NOS1: variants seen among roughly 807,000 people sequenced by gnomAD.
NOS1 encodes the protein nitric oxide synthase 1.
NOS1 carries 51 observed loss-of-function variants against 164.5 expected under a neutral mutation model. That is an observed-to-expected ratio of 0.31 (90% CI 0.25 to 0.39). NOS1 has a LOEUF of 0.39. NOS1 is among the 10% of genes least tolerant of loss of function. The pLI is 1.00. For synonymous variants in NOS1, 719 were observed against 745.8 expected (o/e 0.96, Z 0.59); for missense variants, 1,362 against 1,885.6 (o/e 0.72, Z 5.14).
At chr12:117,239,918 T>G (rs1592941067) in intron 20 of NOS1, among the ~76,000 whole-genome samples, 1 of 152,152 alleles carries the variant, frequency 6.6e-6, no homozygotes, top group African/African-American at 2.4e-5. Context: ...ATTCTCTTGC[T>G]AGTCACTTTT....
chr12:117,226,912 G>T, intron 23 of NOS1, 142 bp from the exon 24 acceptor site: 1 of 681,282 alleles, frequency 1.5e-6, no homozygotes. Flanking sequence ...CCTCTGAAGG[G>T]CAAGAGGAAA....
intron 17 of NOS1, among the ~76,000 whole-genome samples, chr12:117,248,723 G>C (rs370950558): frequency 2.0e-5 from 3 of 151,974 alleles, no homozygotes; most frequent in African/African-American, 4.8e-5. Context: ...GTAATGGGAT[G>C]GCTGGGTCAA....
chr12:117,210,258 A>T lies in NOS1; in HGVS notation c.*5051T>A. 7.1e-6 allele frequency: 7 copies of T among 982,834 alleles called. No individual in the cohort carries two copies. The highest frequency in any genetic ancestry group is 8.5e-6 in the Non-Finnish European group (7 of 827,908). The allele number at this position is 982,834 out of a possible 1,614,324, so 60.9% of individuals were successfully genotyped here. ...AGTCTCCCAAAGTGCTATTACAGGC[A>T]TGAACCACCATGCCTGGCCTACTTT... is the stretch of plus-strand genomic sequence containing the variant. On this transcript the variant is annotated 3_prime_UTR_variant, in exon 29 of 29. Transcript: ENST00000317775.
intron 20 of NOS1, among the ~76,000 whole-genome samples, chr12:117,241,730 C>T (rs1326594155): frequency 2.6e-5 from 4 of 152,162 alleles, no homozygotes; most frequent in African/African-American, 7.2e-5. Flanking sequence ...AGAACAGCAG[C>T]GACCGCTTTT....
Position 117,242,620 on chromosome 12 carries a change from T to G in NOS1, c.3041+7A>C, listed in dbSNP as rs1870279320. Reference sequence around the variant, plus strand: ...GTAGGTAACCCAGTGAACCAAGATGTTCCTACCTGGATTTAGGGCTCTGGA... The same window carrying G: ...GTAGGTAACCCAGTGAACCAAGATGGTCCTACCTGGATTTAGGGCTCTGGA... On this transcript the variant is annotated splice_region_variant and intron_variant, in intron 20 of 28. Coordinates refer to ENST00000317775, the MANE Select transcript of NOS1 (RefSeq NM_000620.5). The G allele has an allele frequency of 6.2e-7, 1 of 1,613,228 alleles. No homozygotes were observed. Among genetic ancestry groups the G allele is most frequent in the South Asian group, 1.1e-5 (1 of 91,062 alleles).
intron 10 of NOS1, 31 bp from the exon 11 acceptor site, chr12:117,268,175 G>C (rs1254265665): frequency 7.0e-7 from 1 of 1,436,318 alleles, no homozygotes; most frequent in Non-Finnish European, 9.8e-7. Context: ...AGATATACAG[G>C]CTGGGGTATC....
At chr12:117,324,344 G>A (rs1012434779) in intron 2 of NOS1, among the ~76,000 whole-genome samples, 17 of 152,180 alleles carry the variant, frequency 1.1e-4, no homozygotes, top group Middle Eastern at 3.2e-3. Flanking sequence ...GGTCCAGATG[G>A]ACACTGGATC....
Position 117,330,554 on chromosome 12 carries a change from G to A in NOS1, c.516C>T (p.Leu172=). Residue 172 remains leucine, a synonymous_variant, in exon 2 of 29, where the codon CTC becomes CTT. Coordinates refer to ENST00000317775, the MANE Select transcript of NOS1 (RefSeq NM_000620.5). This position sits in a 1 kb window ranked among gnomAD's most constrained non-coding sequence, Gnocchi z 4.6. ...AYDDGQEAGS[L]PHANGLAPRP... Reference sequence around the variant, plus strand: ...TGGGGGCCAGGCCGTTGGCATGGGGGAGTGAGCCAGCCTCCTGCCCATCAT... The same window carrying A: ...TGGGGGCCAGGCCGTTGGCATGGGGAAGTGAGCCAGCCTCCTGCCCATCAT... 1 of 1,613,658 alleles carries A rather than the reference G, an allele frequency of 6.2e-7. No homozygotes were observed. The highest frequency in any genetic ancestry group is 8.5e-7 in the Non-Finnish European group (1 of 1,179,984).
intron 1 of NOS1, among the ~76,000 whole-genome samples, chr12:117,346,323 T>C (rs147564738): frequency 6.6e-6 from 1 of 151,924 alleles, no homozygotes; most frequent in Non-Finnish European, 1.5e-5. Context: ...ATACAAAAAT[T>C]AGCCAGGCGT....
At chr12:117,346,346 A>C (rs367854058) in intron 1 of NOS1, among the ~76,000 whole-genome samples, 3 of 151,994 alleles carry the variant, frequency 2.0e-5, no homozygotes, top group East Asian at 1.9e-4. Context: ...TGGCACGTGC[A>C]TGTAATCCCA....
In NOS1 at chr12:117,234,752, T is replaced by G. The variant is rs370076270; in HGVS notation, c.3048A>C (p.Ser1016=). 17 of 1,607,464 alleles carry G rather than the reference T, an allele frequency of 1.1e-5. No homozygotes were observed. The highest frequency in any genetic ancestry group is 1.4e-5 in the Non-Finnish European group (16 of 1,175,066). ...TGGTGTGGAGACGCACGAAGATAGT[T>G]GACCGACTGCAGGAAATTGCAGAGG... ...QNLQSPKSSR[S]TIFVRLHTNG... Residue 1016 remains serine, a synonymous_variant, in exon 21 of 29, where the codon TCA becomes TCC. Transcript: ENST00000317775. The surrounding 1 kb of genome is among the most constrained non-coding windows in gnomAD (Gnocchi z 4.3).
rs1956525835 is a variant in NOS1 at position 117,211,398 on chromosome 12, C to G, written c.*3911G>C. 2.0e-6 allele frequency: 2 copies of G among 985,398 alleles called. No individual in the cohort carries two copies. Among genetic ancestry groups the G allele is most frequent in the Admixed American group, 6.2e-5 (1 of 16,258 alleles). The allele number at this position is 985,398 out of a possible 1,614,324, so 61.0% of individuals were successfully genotyped here. The stretch of plus-strand genomic sequence containing the variant: ...AAGCCTTGGTTGCAGCAATAACCCC[C>G]CCAACAGCTCAACGGGCCATGCTCT... On this transcript the variant is annotated 3_prime_UTR_variant, in exon 29 of 29. Transcript: ENST00000317775.
At chr12:117,286,447 A>G (rs1020317067) in intron 5 of NOS1, among the ~76,000 whole-genome samples, 181 bp from the exon 6 acceptor site, 11 of 152,200 alleles carry the variant, frequency 7.2e-5, no homozygotes, top group African/African-American at 2.7e-4. Flanking sequence ...ATGGCCACAA[A>G]GGCTGAACAT....
At chr12:117,237,992 C>T (rs1227945564) in intron 20 of NOS1, among the ~76,000 whole-genome samples, 1 of 152,070 alleles carries the variant, frequency 6.6e-6, no homozygotes, top group South Asian at 2.1e-4. Flanking sequence ...CGTGCAAAGA[C>T]CTGCAGGCAC....
rs946731514 is a variant in NOS1, at chr12:117,218,052, G to T, written c.4283C>A (p.Thr1428Asn). The T allele has an allele frequency of 6.2e-7, 1 of 1,611,434 alleles. No homozygotes were observed. The highest frequency in any genetic ancestry group is 8.5e-7 in the Non-Finnish European group (1 of 1,177,588). The change falls in exon 28 of 29, where the codon ACC (threonine) becomes AAC (asparagine). Residue 1428 changes from threonine (T) to asparagine (N), a missense_variant. Transcript: ENST00000317775. ...AGGGATGGAGCCAGCTTACTCATCGGTGTCTTTTTTGCTCTCTTCAATGAA... is the reference window on the plus strand; with the variant it reads ...AGGGATGGAGCCAGCTTACTCATCGTTGTCTTTTTTGCTCTCTTCAATGAA... ...IAFIEESKKD[T>N]DEVFSS
rs1449142858 is a variant in NOS1 at position 117,214,078 on chromosome 12, C to T, written c.*1231G>A. ...AAGTTCTTCCCACCCCAAGTTGTGG[C>T]TCCTATCGAAGAAGCCACGTGGGAC... On this transcript the variant is annotated 3_prime_UTR_variant, in exon 29 of 29. Coordinates refer to ENST00000317775, the MANE Select transcript of NOS1 (RefSeq NM_000620.5). 1 of 985,312 alleles carries T rather than the reference C, an allele frequency of 1.0e-6. No individual in the cohort carries two copies. The highest frequency in any genetic ancestry group is 6.2e-5 in the Admixed American group (1 of 16,256). 61.0% of individuals were successfully genotyped at this position (985,312 alleles called of 1,614,324 possible). A position where few individuals can be genotyped will look rare whatever the true frequency, so the allele number is the denominator to read the frequency against.
Position 117,210,092 on chromosome 12 carries a change from C to A in NOS1, c.*5217G>T. On this transcript the variant is annotated 3_prime_UTR_variant, in exon 29 of 29. Coordinates refer to ENST00000317775, the MANE Select transcript of NOS1 (RefSeq NM_000620.5). ...GGACCAAGTGATCCTCCTGCCTCAG[C>A]CTCCCAAGTAGCTGGGACCACAGGA... 1.5e-6 allele frequency: 1 copy of A among 680,564 alleles called. No individual in the cohort carries two copies. 42.2% of individuals were successfully genotyped at this position (680,564 alleles called of 1,614,324 possible). A position where few individuals can be genotyped will look rare whatever the true frequency, so the allele number is the denominator to read the frequency against.
chr12:117,284,287 C>T (rs1483445428), intron 7 of NOS1, among the ~76,000 whole-genome samples: 5 of 152,208 alleles, frequency 3.3e-5, no homozygotes, highest in African/African-American at 1.2e-4. Context: ...CGGGCAGAGT[C>T]AACAAGTGTA....
intron 16 of NOS1, among the ~76,000 whole-genome samples, chr12:117,258,082 C>T (rs755338728): frequency 1.3e-5 from 2 of 152,054 alleles, no homozygotes; most frequent in Non-Finnish European, 2.9e-5. Context: ...GGATTACAGG[C>T]GTGAGCCACC....
Sources: gnomAD v4.1 joint callset for allele counts (sites outside exome capture counted in the v4.1 genomes callset) on GRCh38, gnomAD v4.1.1 for gene constraint, Gnocchi (gnomAD v3.1) non-coding constraint, MANE v1.5 for transcripts, NCBI Gene and HGNC (gene_info 2026-07-23, HGNC 2026-07-21) for gene names.